COL11A1: variants seen among roughly 807,000 people sequenced by gnomAD.
The protein encoded by COL11A1 is collagen type XI alpha 1 chain, also known as collagen alpha-1(XI) chain.
In COL11A1, 74 loss-of-function variants were observed where a neutral mutation model predicts 265.2. The observed-to-expected ratio is 0.28, with a 90% CI of 0.23 to 0.34. The LOEUF (loss-of-function observed/expected upper bound fraction) is 0.34, where lower values mean the gene tolerates loss of function less well. Among genes scored for constraint, COL11A1 ranks in the 10% least tolerant of loss-of-function variants. The probability of loss-of-function intolerance (pLI) is 1.00; values close to 1 mark genes in which losing one functional copy is unlikely to be tolerated. For missense variants in COL11A1, 2,165 were observed against 2,263.6 expected, an observed-to-expected ratio of 0.96 and a Z score of 0.88; for synonymous variants, 816 against 727.6, an observed-to-expected ratio of 1.12 and a Z score of -1.96.
In COL11A1 at chr1:102,948,082, G is replaced by A. The variant is rs74110523; in HGVS notation, c.3169-1126C>T. On this transcript the variant is annotated intron_variant, in intron 41 of 66. Coordinates refer to ENST00000370096, the MANE Select transcript of COL11A1 (RefSeq NM_001854.4). ...TACTATTATACTTAATGATATATTA[G>A]AAATCATTTTATTATACAAATTTAC... 6.6e-3 allele frequency among the ~76,000 whole-genome samples: 999 copies of A among 151,748 alleles called. 12 individuals carry two copies. Among genetic ancestry groups the A allele is most frequent in the African/African-American group, 0.023 (952 of 41,430 alleles).
chr1:103,005,778 T>C, intron 18 of COL11A1, 60 bp downstream of exon 18: 2 of 1,594,644 alleles, frequency 1.3e-6, no homozygotes, highest in Admixed American at 1.7e-5. Context: ...TTGCAAATTG[T>C]TATCAATTCT....
intron 1 of COL11A1, among the ~76,000 whole-genome samples, chr1:103,091,740 T>C (rs1673340632): frequency 1.3e-5 from 2 of 151,968 alleles, no homozygotes; most frequent in African/African-American, 4.8e-5. Context: ...ACGAATACTA[T>C]AAATAAACAA....
Position 102,913,705 on chromosome 1 carries a change from A to G in COL11A1, c.3979-15T>C. 2.5e-6 allele frequency: 4 copies of G among 1,611,834 alleles called. No homozygotes were observed. The highest frequency in any genetic ancestry group is 3.4e-6 in the Non-Finnish European group (4 of 1,178,118). ...CCATCTTGACCCTATAAGAGGCAAT[A>G]AAATATGAAGCAAGATATATCTCAG... On this transcript the variant is annotated splice_polypyrimidine_tract_variant and intron_variant, in intron 52 of 66. Transcript: ENST00000370096.
chr1:103,060,669 T>C (rs780212983), intron 4 of COL11A1, among the ~76,000 whole-genome samples: 77 of 152,282 alleles, frequency 5.1e-4, no homozygotes, highest in Non-Finnish European at 1.0e-3. Flanking sequence ...TAAGTTCATA[T>C]TTAAAAACCT....
chr1:103,025,660 C>T, intron 6 of COL11A1, 47 bp from the exon 7 acceptor site: 2 of 1,577,290 alleles, frequency 1.3e-6, no homozygotes, highest in Non-Finnish European at 1.7e-6. Flanking sequence ...AAGGTGATCC[C>T]AAATGTATGG....
chr1:103,098,079 G>T (rs1673931212), intron 1 of COL11A1, among the ~76,000 whole-genome samples: 1 of 151,846 alleles, frequency 6.6e-6, no homozygotes, highest in Non-Finnish European at 1.5e-5. Flanking sequence ...TTAAAAAAAA[G>T]ATGTATTATA....
At chr1:102,922,665 C>T (rs371741062) in intron 47 of COL11A1, among the ~76,000 whole-genome samples, 15 of 152,312 alleles carry the variant, frequency 9.8e-5, no homozygotes, top group South Asian at 8.3e-4. Context: ...TCCCAAAGTG[C>T]TGGGATTACA....
At chr1:103,090,323 T>G (rs560240959) in intron 1 of COL11A1, among the ~76,000 whole-genome samples, 21 of 152,052 alleles carry the variant, frequency 1.4e-4, no homozygotes, top group Non-Finnish European at 2.9e-4. Flanking sequence ...TTCTCAGCCA[T>G]CTTCCACTCA....
Position 103,001,975 on chromosome 1 carries a change from T to G in COL11A1, c.2098-6A>C, listed in dbSNP as rs1557928458. On this transcript the variant is annotated splice_region_variant and splice_polypyrimidine_tract_variant and intron_variant, in intron 23 of 66. Transcript: ENST00000370096. ...CCTTGTGGACCAGGAAGACCCTATT[T>G]TAAAAGAATTTATTTCATATATCAG... 1 of 1,610,594 alleles carries G rather than the reference T, an allele frequency of 6.2e-7. No individual in the cohort carries two copies. Among genetic ancestry groups the G allele is most frequent in the East Asian group, 2.2e-5 (1 of 44,824 alleles).
chr1:102,961,785 GA>G, intron 41 of COL11A1, 80 bp downstream of exon 41: 1 of 1,284,146 alleles, frequency 7.8e-7, no homozygotes, highest in South Asian at 1.2e-5. Context: ...ACACACTGTG[GA>G]ATCACAGCAT....
At chr1:102,915,471 A>G (rs1480923295) in intron 50 of COL11A1, among the ~76,000 whole-genome samples, 160 bp downstream of exon 50, 3 of 152,232 alleles carry the variant, frequency 2.0e-5, no homozygotes, top group Non-Finnish European at 4.4e-5. Context: ...AAAGATATCC[A>G]AAGTTATTAA....
intron 1 of COL11A1, among the ~76,000 whole-genome samples, chr1:103,092,352 A>G (rs1452162712): frequency 6.6e-6 from 1 of 152,154 alleles, no homozygotes; most frequent in Non-Finnish European, 1.5e-5. Context: ...AGAAAAAGTT[A>G]AGTATGTCAT....
chr1:103,027,024 C>A (rs1452155753), intron 5 of COL11A1, among the ~76,000 whole-genome samples: 1 of 151,678 alleles, frequency 6.6e-6, no homozygotes, highest in African/African-American at 2.4e-5. Context: ...ATAATTAATA[C>A]ATAATTTTAA....
At chr1:102,967,886 T>C (rs944802263) in intron 37 of COL11A1, among the ~76,000 whole-genome samples, 8 of 152,216 alleles carry the variant, frequency 5.3e-5, no homozygotes, top group Non-Finnish European at 2.9e-5. Flanking sequence ...TAAAAATCAA[T>C]ACTTAATTGC....
At chr1:103,095,192 T>C (rs1673652073) in intron 1 of COL11A1, among the ~76,000 whole-genome samples, 1 of 152,076 alleles carries the variant, frequency 6.6e-6, no homozygotes, top group Admixed American at 6.6e-5. Flanking sequence ...ATGGGAATTA[T>C]TGGATATAGA....
intron 4 of COL11A1, among the ~76,000 whole-genome samples, chr1:103,071,933 T>A (rs1671626539): frequency 1.3e-5 from 2 of 151,198 alleles, no homozygotes; most frequent in Admixed American, 1.3e-4. Flanking sequence ...ATCAGCTCAT[T>A]TTTTTTCTAT....
chr1:103,047,186 AT>A (rs954894340), intron 4 of COL11A1, among the ~76,000 whole-genome samples: 7 of 152,122 alleles, frequency 4.6e-5, no homozygotes, highest in African/African-American at 1.7e-4. Flanking sequence ...GAATCTGTAA[AT>A]TACCTTGGGC....
At chr1:103,030,062 T>C (rs1667848948) in intron 5 of COL11A1, among the ~76,000 whole-genome samples, 1 of 152,048 alleles carries the variant, frequency 6.6e-6, no homozygotes, top group East Asian at 1.9e-4. Context: ...ACACTAAACC[T>C]GATAATTATT....
intron 1 of COL11A1, among the ~76,000 whole-genome samples, chr1:103,092,890 T>C (rs1192234192): frequency 6.6e-6 from 1 of 151,988 alleles, no homozygotes; most frequent in Non-Finnish European, 1.5e-5. Context: ...AATTGCTTGA[T>C]ATGTACTGTA....
Sources: gnomAD v4.1 joint callset for allele counts (sites outside exome capture counted in the v4.1 genomes callset) on GRCh38, gnomAD v4.1.1 for gene constraint, MANE v1.5 for transcripts, NCBI Gene and HGNC (gene_info 2026-07-23, HGNC 2026-07-21) for gene names.